Variants in NINL observed in about 807,000 individuals in gnomAD.
The protein encoded by NINL is ninein like.
In NINL, 153 loss-of-function variants were observed where a neutral mutation model predicts 160.3. The observed-to-expected ratio is 0.95, with a 90% CI of 0.84 to 1.09. The LOEUF (loss-of-function observed/expected upper bound fraction) is 1.09, where lower values mean the gene tolerates loss of function less well. NINL is among the 50% of genes least tolerant of loss of function. NINL has a pLI of 0.00. For missense variants in NINL, 1,829 were observed against 1,764.0 expected (o/e 1.04, Z -0.66); for synonymous variants, 800 against 734.8 (o/e 1.09, Z -1.43).
intron 3 of NINL, among the ~76,000 whole-genome samples, chr20:25,515,297 G>C (rs1409380938): frequency 6.6e-6 from 1 of 152,252 alleles, no homozygotes; most frequent in African/African-American, 2.4e-5. Context: ...CTGGGTTTCA[G>C]ACTTGCATGG....
intron 15 of NINL, 134 bp downstream of exon 15, chr20:25,480,027 C>T: frequency 1.5e-6 from 1 of 664,486 alleles, no homozygotes. Context: ...ACAAACTTTC[C>T]TCCCCAAAGG....
intron 15 of NINL, among the ~76,000 whole-genome samples, chr20:25,479,886 C>T (rs189567516): frequency 3.9e-5 from 6 of 152,212 alleles, no homozygotes; most frequent in East Asian, 3.9e-4. Flanking sequence ...CTGGCCACGG[C>T]GCTGCGCTGC....
intron 1 of NINL, among the ~76,000 whole-genome samples, chr20:25,527,698 T>A (rs1410198843): frequency 6.6e-6 from 1 of 152,186 alleles, no homozygotes; most frequent in South Asian, 2.1e-4. Flanking sequence ...ATGCTATTTG[T>A]AACTGTCAAA....
intron 13 of NINL, among the ~76,000 whole-genome samples, chr20:25,483,387 C>T (rs2063439958): frequency 1.3e-5 from 2 of 152,138 alleles, no homozygotes; most frequent in South Asian, 4.1e-4. Context: ...ACTGTCACCA[C>T]CAGAAACTAC....
intron 2 of NINL, among the ~76,000 whole-genome samples, chr20:25,522,814 G>A (rs142707917): frequency 1.9e-3 from 286 of 152,132 alleles, no homozygotes; most frequent in Non-Finnish European, 2.6e-3. Flanking sequence ...AAAGGCGAGC[G>A]GCAACCCCAT....
At chr20:25,465,494 C>T (rs1456624505) in intron 19 of NINL, among the ~76,000 whole-genome samples, 1 of 152,142 alleles carries the variant, frequency 6.6e-6, no homozygotes, top group Non-Finnish European at 1.5e-5. Flanking sequence ...TGCCCTGGAA[C>T]ACTAGCTCCC....
intron 1 of NINL, among the ~76,000 whole-genome samples, chr20:25,575,652 G>A (rs895706963): frequency 2.6e-5 from 4 of 151,918 alleles, no homozygotes; most frequent in Admixed American, 1.3e-4. Flanking sequence ...TCAGGAGGCT[G>A]AGGCAGGAGA....
At chr20:25,535,840 T>A (rs1348996296) in intron 1 of NINL, among the ~76,000 whole-genome samples, 1 of 152,028 alleles carries the variant, frequency 6.6e-6, no homozygotes, top group African/African-American at 2.4e-5. Flanking sequence ...TCTCTCGACA[T>A]CCTTGAAAAG....
At chr20:25,512,337 C>T (rs148070942) in intron 4 of NINL, among the ~76,000 whole-genome samples, 109 of 152,292 alleles carry the variant, frequency 7.2e-4, no homozygotes, top group African/African-American at 2.3e-3. Flanking sequence ...AGCACATTGA[C>T]GCTTCACTCC....
At position 25,505,336 on chromosome 20, in the gene NINL, TG is replaced by T. The variant is rs61161192; in HGVS notation, c.518-259del. ...GCTGGGTGGTGGGGGAGATGCTGGT[TG>T]GGGGGGGGTCACTTTCAGTTACAAG... On this transcript the variant is annotated intron_variant, in intron 5 of 23. Transcript: ENST00000278886. 2.1e-3 allele frequency among the ~76,000 whole-genome samples: 226 copies of T among 106,914 alleles called. 1 individual carries two copies. The highest frequency in any genetic ancestry group is 5.3e-3 in the African/African-American group (141 of 26,604). The allele number at this position is 106,914 out of a possible 152,430, so 70.1% of individuals were successfully genotyped here.
intron 17 of NINL, among the ~76,000 whole-genome samples, chr20:25,473,470 AAAAT>A (rs1280145186): frequency 6.8e-6 from 1 of 146,838 alleles, no homozygotes; most frequent in African/African-American, 2.6e-5. Context: ...AAAATAAAAT[AAAAT>A]ATAAAATAAA....
rs113029948 is a variant in NINL at position 25,480,289 on chromosome 20, C to G, written c.1811-22G>C. ...ATGCCTGCAAACAAGAGGCCACTTC[C>G]GTTTGTCACACTGAGGATGCCACGG... On this transcript the variant is annotated intron_variant, in intron 14 of 23. Transcript: ENST00000278886. The G allele has an allele frequency of 1.8e-5, 28 of 1,599,278 alleles. No individual in the cohort carries two copies. The Admixed American group carries it at 2.8e-4, about 16-fold the overall frequency.
At chr20:25,453,777 G>A (rs1435707606) in intron 23 of NINL, 135 bp from the exon 24 acceptor site, 3 of 751,680 alleles carry the variant, frequency 4.0e-6, no homozygotes, top group Non-Finnish European at 6.1e-6. Context: ...AAGGCCGGGG[G>A]CAGTGGTTCA....
At chr20:25,549,890 A>C (rs1374191358) in intron 1 of NINL, among the ~76,000 whole-genome samples, 1 of 152,238 alleles carries the variant, frequency 6.6e-6, no homozygotes, top group Non-Finnish European at 1.5e-5. Context: ...GTTCTAGCTA[A>C]ACCTGCCATA....
chr20:25,497,316 C>T (rs1284952618), intron 9 of NINL, among the ~76,000 whole-genome samples: 1 of 152,238 alleles, frequency 6.6e-6, no homozygotes, highest in Non-Finnish European at 1.5e-5. Context: ...CCTGACCCAG[C>T]TGAGGCACTG....
rs547414784 is a variant in NINL at position 25,556,180 on chromosome 20, A to G, written c.-12+29275T>C. On this transcript the variant is annotated intron_variant, in intron 1 of 23. Transcript: ENST00000278886. The stretch of plus-strand genomic sequence containing the variant: ...GCTTGTAGTTCCAGATATTCAGCAG[A>G]CTGAGGTGGGAGAGGACTGCTTGAG... Among the ~76,000 whole-genome samples the G allele has an allele frequency of 9.9e-5, 15 of 152,260 alleles. No homozygotes were observed. In the South Asian group the frequency reaches 3.1e-3, roughly 32 times the overall value.
At chr20:25,488,562 A>G (rs1404235250) in intron 13 of NINL, among the ~76,000 whole-genome samples, 1 of 151,834 alleles carries the variant, frequency 6.6e-6, no homozygotes, top group Non-Finnish European at 1.5e-5. Flanking sequence ...TGGCAGTTCC[A>G]GATGCTCTGT....
In NINL at chr20:25,472,071, A is replaced by T. The variant is rs572873880; in HGVS notation, c.3249-1976T>A. 6.6e-5 allele frequency among the ~76,000 whole-genome samples: 10 copies of T among 152,276 alleles called. No individual in the cohort carries two copies. In the East Asian group the frequency reaches 1.9e-3, roughly 29 times the overall value. On this transcript the variant is annotated intron_variant, in intron 17 of 23. Coordinates refer to ENST00000278886, the MANE Select transcript of NINL (RefSeq NM_025176.6). ...AAGCAACAAGAAACTATTGACAATG[A>T]TCAGACAGGACCAAACAGAATTTTT...
At chr20:25,574,140 G>A (rs1022830763) in intron 1 of NINL, among the ~76,000 whole-genome samples, 1 of 151,988 alleles carries the variant, frequency 6.6e-6, no homozygotes, top group Non-Finnish European at 1.5e-5. Context: ...ATAAATGACT[G>A]TTTCAAAAGT....
Sources: gnomAD v4.1 joint callset for allele counts (sites outside exome capture counted in the v4.1 genomes callset) on GRCh38, gnomAD v4.1.1 for gene constraint, MANE v1.5 for transcripts, NCBI Gene and HGNC (gene_info 2026-07-23, HGNC 2026-07-21) for gene names.